Variants in GABRB1 observed in about 807,000 individuals in gnomAD.
GABRB1 encodes gamma-aminobutyric acid receptor subunit beta-1.
Under a neutral mutation model 51.6 loss-of-function variants are expected in GABRB1, and 17 were observed. The ratio of observed to expected loss-of-function variants is 0.33; its 90% CI spans 0.23 to 0.49. The LOEUF (loss-of-function observed/expected upper bound fraction) is 0.49. Ranked by LOEUF, GABRB1 falls within the 20% of genes least tolerant of loss-of-function variation. The pLI, the probability that GABRB1 is intolerant of heterozygous loss-of-function variation, is 0.99. For synonymous variants in GABRB1, 247 were observed against 218.9 expected, an observed-to-expected ratio of 1.13 and a Z score of -1.14; for missense variants, 410 against 600.6, an observed-to-expected ratio of 0.68 and a Z score of 3.32.
At chr4:47,141,253 G>T (rs1163740796) in intron 3 of GABRB1, among the ~76,000 whole-genome samples, 1 of 151,960 alleles carries the variant, frequency 6.6e-6, no homozygotes, top group African/African-American at 2.4e-5. Flanking sequence ...TCTCATCGTT[G>T]TTCCCGTCCA....
chr4:47,249,450 G>T (rs1452801680), intron 4 of GABRB1, among the ~76,000 whole-genome samples: 1 of 152,074 alleles, frequency 6.6e-6, no homozygotes, highest in African/African-American at 2.4e-5. Context: ...CTTGGAAAAA[G>T]TTCCATGCAC....
chr4:47,348,346 G>A (rs1726180636), intron 5 of GABRB1, among the ~76,000 whole-genome samples: 1 of 152,184 alleles, frequency 6.6e-6, no homozygotes, highest in Non-Finnish European at 1.5e-5. Flanking sequence ...AGGAATGATG[G>A]TGATGCCAAA....
At position 47,230,551 on chromosome 4, in the gene GABRB1, CA is replaced by C. The variant is rs562301784; in HGVS notation, c.461+69083del. Among the ~76,000 whole-genome samples, 1,183 of 152,234 alleles carry C rather than the reference CA, an allele frequency of 7.8e-3. 14 individuals are homozygous for C. Among genetic ancestry groups the C allele is most frequent in the African/African-American group, 0.027 (1,114 of 41,546 alleles). On this transcript the variant is annotated intron_variant, in intron 4 of 8. Coordinates refer to ENST00000295454, the MANE Select transcript of GABRB1 (RefSeq NM_000812.4). The stretch of plus-strand genomic sequence containing the variant: ...AACACAGTTTCAGTTCTGATCTAAG[CA>C]GAGTATCTCATTTGGAAAAAGCTGT...
At chr4:47,026,044 G>A (rs1725081402) in intron 1 of GABRB1, among the ~76,000 whole-genome samples, 1 of 152,028 alleles carries the variant, frequency 6.6e-6, no homozygotes, top group Non-Finnish European at 1.5e-5. Flanking sequence ...AAGAAAAAAT[G>A]TTTTTGCTGG....
At chr4:47,032,132 A>G (rs1303201038) in intron 2 of GABRB1, 127 bp downstream of exon 2, 20 of 605,196 alleles carry the variant, frequency 3.3e-5, no homozygotes, top group Non-Finnish European at 4.5e-5. Flanking sequence ...CCCTGGGCAC[A>G]CACACACACA....
chr4:47,140,770 T>G (rs978579823), intron 3 of GABRB1, among the ~76,000 whole-genome samples: 14 of 151,394 alleles, frequency 9.2e-5, no homozygotes, highest in Non-Finnish European at 1.6e-4. Flanking sequence ...TTTGTTTTTT[T>G]TTTTTCCTAA....
intron 4 of GABRB1, among the ~76,000 whole-genome samples, chr4:47,173,709 A>G (rs1181197489): frequency 6.6e-6 from 1 of 152,126 alleles, no homozygotes; most frequent in East Asian, 1.9e-4. Flanking sequence ...TGCTTCGTTT[A>G]TTTGAGTTTT....
At chr4:47,170,191 T>C (rs1718377414) in intron 4 of GABRB1, among the ~76,000 whole-genome samples, 2 of 152,102 alleles carry the variant, frequency 1.3e-5, no homozygotes, top group African/African-American at 4.8e-5. Flanking sequence ...TTCGAATCAA[T>C]TTTTTTATAT....
chr4:47,205,445 T>C (rs1720077257), intron 4 of GABRB1, among the ~76,000 whole-genome samples: 1 of 152,182 alleles, frequency 6.6e-6, no homozygotes, highest in Admixed American at 6.6e-5. Flanking sequence ...CATTCTTTAT[T>C]GACTTTATGT....
intron 5 of GABRB1, among the ~76,000 whole-genome samples, chr4:47,388,836 T>C (rs1333207246): frequency 2.6e-5 from 4 of 152,134 alleles, no homozygotes; most frequent in East Asian, 1.9e-4. Flanking sequence ...GCATGAAAAG[T>C]GTTCTCAAAG....
intron 5 of GABRB1, among the ~76,000 whole-genome samples, chr4:47,320,763 C>CTT (rs1264288318): frequency 0.012 from 1,309 of 112,776 alleles, 54 homozygotes; most frequent in African/African-American, 0.036. Context: ...GTTTTCTTTT[C>CTT]TTTTTTCTTT....
rs149369267 is a variant in GABRB1 at position 47,391,625 on chromosome 4, T to C, written c.545-11693T>C. Among the ~76,000 whole-genome samples the C allele has an allele frequency of 7.4e-4, 112 of 152,320 alleles. 1 individual carries two copies. The East Asian group carries it at 0.017, about 23-fold the overall frequency. On this transcript the variant is annotated intron_variant, in intron 5 of 8. Transcript: ENST00000295454. ...AGTAAGCCTAAAATTAATACACAGA[T>C]TTTTGCATTTCCTTGGTGCCCAGAC...
chr4:47,123,891 A>AATATATAATATATTATATATTAATATATG (rs1393510165), intron 3 of GABRB1, among the ~76,000 whole-genome samples: 3 of 83,772 alleles, frequency 3.6e-5, no homozygotes, highest in South Asian at 3.1e-4. Context: ...TAATATATAT[A>AATATATAATATATTATATATTAATATATG]ATATATAATA....
chr4:47,262,270 G>A (rs1251127034), intron 4 of GABRB1, among the ~76,000 whole-genome samples: 1 of 152,036 alleles, frequency 6.6e-6, no homozygotes, highest in African/African-American at 2.4e-5. Context: ...TATAAAATGG[G>A]AGAAAATTTT....
intron 4 of GABRB1, among the ~76,000 whole-genome samples, chr4:47,163,527 G>C (rs534883229): frequency 6.6e-6 from 1 of 151,842 alleles, no homozygotes; most frequent in African/African-American, 2.4e-5. Flanking sequence ...ATAGATACTG[G>C]GTACTCCAAG....
At chr4:47,359,487 C>A (rs771197857) in intron 5 of GABRB1, among the ~76,000 whole-genome samples, 1 of 152,004 alleles carries the variant, frequency 6.6e-6, no homozygotes, top group Non-Finnish European at 1.5e-5. Context: ...AGCTTCCCAA[C>A]GTGCCTAATA....
chr4:47,370,035 C>CTT lies in GABRB1; in HGVS notation c.545-33282_545-33281insTT, dbSNP rs1428753386. Among the ~76,000 whole-genome samples, 455 of 152,016 alleles carry CTT rather than the reference C, an allele frequency of 3.0e-3. 2 individuals carry two copies. The highest frequency in any genetic ancestry group is 0.01 in the African/African-American group (434 of 41,428). On this transcript the variant is annotated intron_variant, in intron 5 of 8. Coordinates refer to ENST00000295454, the MANE Select transcript of GABRB1 (RefSeq NM_000812.4). ...TATAAAGATGCTTCTCTTCAATTTC[C>CTT]TAAAGAACTGTCCCAAACCTGATTT...
At chr4:47,007,411 T>A (rs975658991) in intron 1 of GABRB1, among the ~76,000 whole-genome samples, 1 of 152,138 alleles carries the variant, frequency 6.6e-6, no homozygotes, top group Non-Finnish European at 1.5e-5. Context: ...CTAATTATAG[T>A]GGGATGTTTT....
chr4:47,276,108 A>G (rs981218976), intron 4 of GABRB1, among the ~76,000 whole-genome samples: 8 of 152,160 alleles, frequency 5.3e-5, no homozygotes, highest in Admixed American at 2.0e-4. Context: ...TCGTACAGAG[A>G]AAATATTCAT....
Sources: gnomAD v4.1 joint callset for allele counts (sites outside exome capture counted in the v4.1 genomes callset) on GRCh38, gnomAD v4.1.1 for gene constraint, MANE v1.5 for transcripts, NCBI Gene and HGNC (gene_info 2026-07-23, HGNC 2026-07-21) for gene names.